TPPP2: variants seen among roughly 807,000 people sequenced by gnomAD.
TPPP2 encodes tubulin polymerization promoting protein family member 2, also known as tubulin polymerization-promoting protein family member 2.
Under a neutral mutation model 13.0 loss-of-function variants are expected in TPPP2, and 8 were observed. The ratio of observed to expected loss-of-function variants is 0.62; its 90% CI spans 0.36 to 1.11. TPPP2 has a LOEUF of 1.11. TPPP2 is among the 50% of genes most tolerant of loss of function. The probability of loss-of-function intolerance (pLI) is 0.02; values close to 1 mark genes in which losing one functional copy is unlikely to be tolerated. For missense variants in TPPP2, 213 were observed against 216.9 expected, an observed-to-expected ratio of 0.98 and a Z score of 0.11; for synonymous variants, 81 against 81.8, an observed-to-expected ratio of 0.99 and a Z score of 0.05.
At chr14:21,035,048 A>G (rs1884528068), downstream of TPPP2, among the ~76,000 whole-genome samples, 1 of 152,146 alleles carries the variant, frequency 6.6e-6, no homozygotes, top group East Asian at 1.9e-4. Context: ...CTTATTCCTG[A>G]CCCTCAGAGA....
At chr14:21,033,657 A>G (rs993087783), downstream of TPPP2, 2 of 634,798 alleles carry the variant, frequency 3.2e-6, no homozygotes, top group African/African-American at 3.6e-5. Flanking sequence ...ACCACTTTGC[A>G]TGGTGATCAA....
upstream of TPPP2, among the ~76,000 whole-genome samples, chr14:21,027,545 A>G (rs1883776373): frequency 6.6e-6 from 1 of 152,190 alleles, no homozygotes; most frequent in South Asian, 2.1e-4. Flanking sequence ...GAGATTAGAG[A>G]TTTCCAACCC....
chr14:21,035,044 C>A (rs564032185), downstream of TPPP2, among the ~76,000 whole-genome samples: 17 of 152,208 alleles, frequency 1.1e-4, no homozygotes, highest in Non-Finnish European at 2.4e-4. Context: ...GCTTCTTATT[C>A]CTGACCCTCA....
upstream of TPPP2, chr14:21,025,621 G>C: frequency 1.0e-6 from 1 of 985,500 alleles, no homozygotes; most frequent in East Asian, 1.1e-4. This position sits in a 1 kb window ranked among gnomAD's most constrained non-coding sequence, Gnocchi z 5.1. Flanking sequence ...AAGGGGGCAC[G>C]GGGGAACGTC....
rs1433225007 is a variant in TPPP2, at chr14:21,032,339, G to A, written c.*262G>A. The A allele has an allele frequency of 8.7e-6, 5 of 573,238 alleles. No homozygotes were observed. The highest frequency in any genetic ancestry group is 1.6e-5 in the Non-Finnish European group (5 of 303,112). The allele number at this position is 573,238 out of a possible 1,614,324, so 35.5% of individuals were successfully genotyped here. A position where few individuals can be genotyped will look rare whatever the true frequency, so the allele number is the denominator to read the frequency against. The stretch of plus-strand genomic sequence containing the variant: ...CAACAGCTGCTTCCAAGAACAGGAT[G>A]GAAGAATATATTTGGAGTAAAGAGA... On this transcript the variant is annotated 3_prime_UTR_variant, in exon 4 of 4. Coordinates refer to ENST00000321760, the MANE Select transcript of TPPP2 (RefSeq NM_173846.5).
chr14:21,032,452 G>A lies in TPPP2; in HGVS notation c.*375G>A. ...CTCCACCCCCACCCCTCAAAAGGGT[G>A]TAGCAATTCCTCACGTGATGGACTA... is the stretch of plus-strand genomic sequence containing the variant. On this transcript the variant is annotated 3_prime_UTR_variant, in exon 4 of 4. Coordinates refer to ENST00000321760, the MANE Select transcript of TPPP2 (RefSeq NM_173846.5). 4.9e-6 allele frequency: 2 copies of A among 404,612 alleles called. No homozygotes were observed. The highest frequency in any genetic ancestry group is 3.7e-5 in the South Asian group (2 of 53,706). The allele number at this position is 404,612 out of a possible 1,614,324, so 25.1% of individuals were successfully genotyped here.
At chr14:21,031,708 A>G (rs1021371693) in intron 3 of TPPP2, among the ~76,000 whole-genome samples, 184 bp from the exon 4 acceptor site, 6 of 152,084 alleles carry the variant, frequency 3.9e-5, no homozygotes, top group African/African-American at 1.4e-4. Flanking sequence ...CTCCCCCATG[A>G]GTGAACGGCT....
Position 21,031,934 on chromosome 14 carries a change from A to G in TPPP2, c.370A>G (p.Ser124Gly). 6.2e-7 allele frequency: 1 copy of G among 1,614,202 alleles called. No homozygotes were observed. Among genetic ancestry groups the G allele is most frequent in the Non-Finnish European group, 8.5e-7 (1 of 1,180,022 alleles). The change falls in exon 4 of 4, where the codon AGC becomes GGC. Residue 124 changes from serine (S) to glycine (G), a missense_variant. By Grantham distance (56) the Ser-to-Gly change is moderately conservative. Transcript: ENST00000321760. ...TGCAGTGGACCGTTTGACAGACACC[A>G]GCAAGTACACCGGCACCCACAAGGA... Reference protein sequence around the residue: ...VGAVDRLTDTSKYTGTHKERF... With the variant: ...VGAVDRLTDTGKYTGTHKERF...
rs566728396 is a variant in TPPP2 at position 21,031,823 on chromosome 14, C to A, written c.328-69C>A. 1.0e-4 allele frequency: 157 copies of A among 1,522,946 alleles called. No homozygotes were observed. In the African/African-American group the frequency reaches 1.1e-3, roughly 10 times the overall value. 94.3% of individuals were successfully genotyped at this position (1,522,946 alleles called of 1,614,324 possible). A position where few individuals can be genotyped will look rare whatever the true frequency, so the allele number is the denominator to read the frequency against. ...AAGCACTTGTTCTAAGTATCTCGGGCCATCTTTGGGGAAGGGATATGACAG... is the reference window on the plus strand; with the variant it reads ...AAGCACTTGTTCTAAGTATCTCGGGACATCTTTGGGGAAGGGATATGACAG... On this transcript the variant is annotated intron_variant, in intron 3 of 3. Coordinates refer to ENST00000321760, the MANE Select transcript of TPPP2 (RefSeq NM_173846.5).
intron 1 of TPPP2, chr14:21,024,415 C>G (rs985399667): frequency 3.3e-6 from 3 of 907,288 alleles, no homozygotes; most frequent in Non-Finnish European, 4.0e-6. Context: ...TGACCTTGCC[C>G]CAGTTAGTTA....
intron 3 of TPPP2, among the ~76,000 whole-genome samples, chr14:21,031,638 G>A (rs2139078907): frequency 6.6e-6 from 1 of 152,034 alleles, no homozygotes; most frequent in Non-Finnish European, 1.5e-5. Flanking sequence ...AACTCCTCTG[G>A]AAACAAAAAA....
At chr14:21,035,275 C>G (rs372895231), downstream of TPPP2, among the ~76,000 whole-genome samples, 11 of 152,366 alleles carry the variant, frequency 7.2e-5, no homozygotes, top group African/African-American at 2.4e-4. Context: ...CATGCTGACT[C>G]TGAAGCCTCA....
rs768298020 is a variant in TPPP2, at chr14:21,032,060, G to A, written c.496G>A (p.Asp166Asn). The change falls in exon 4 of 4, where the codon GAT becomes AAT. Residue 166 changes from aspartate to asparagine, a missense_variant. By Grantham distance (23) the Asp-to-Asn change is conservative. Transcript: ENST00000321760. ...VSGYKGSGTY[D>N]KKTK Reference sequence around the variant, plus strand: ...TGGTTACAAGGGTTCTGGCACCTACGATAAGAAGACCAAGTAGAGAGGAGC... The same window carrying A: ...TGGTTACAAGGGTTCTGGCACCTACAATAAGAAGACCAAGTAGAGAGGAGC... 21 of 1,613,744 alleles carry A rather than the reference G, an allele frequency of 1.3e-5. No individual in the cohort carries two copies. Among genetic ancestry groups the A allele is most frequent in the Admixed American group, 5.0e-5 (3 of 60,012 alleles).
Position 21,031,986 on chromosome 14 carries a change from A to AGGGCAT in TPPP2, c.423_428dup (p.Gly142_Ile143insMetGly). The AGGGCAT allele has an allele frequency of 6.2e-7, 1 of 1,614,194 alleles. No homozygotes were observed. Among genetic ancestry groups the AGGGCAT allele is most frequent in the Non-Finnish European group, 8.5e-7 (1 of 1,180,022 alleles). On this transcript the variant is annotated inframe_insertion, in exon 4 of 4. Coordinates refer to ENST00000321760, the MANE Select transcript of TPPP2 (RefSeq NM_173846.5). ...CGCTTTGATGAGAGTGGCAAGGGCA[A>AGGGCAT]GGGCATTGCGGGACGGGAAGAGATG...
upstream of TPPP2, chr14:21,025,536 GGAGGAGGTGGGCGGGACCGCCGCT>G (rs1883439587): frequency 8.1e-6 from 8 of 985,340 alleles, no homozygotes; most frequent in Non-Finnish European, 8.4e-6. This position sits in a 1 kb window ranked among gnomAD's most constrained non-coding sequence, Gnocchi z 5.1. Context: ...GATTAAGAAA[GGAGGAGGTGGGCGGGACCGCCGCT>G]GAGGAGGCGG....
At chr14:21,026,442 C>G (rs1263552649), upstream of TPPP2, among the ~76,000 whole-genome samples, 1 of 151,610 alleles carries the variant, frequency 6.6e-6, no homozygotes, top group Non-Finnish European at 1.5e-5. Flanking sequence ...AACTGCAACA[C>G]CAGCACCGAC....
At chr14:21,027,014 G>C (rs921086091), upstream of TPPP2, among the ~76,000 whole-genome samples, 1 of 152,156 alleles carries the variant, frequency 6.6e-6, no homozygotes, top group Admixed American at 6.5e-5. Flanking sequence ...GGGAGGGAAG[G>C]ACCTGAAGGT....
At position 21,032,236 on chromosome 14, in the gene TPPP2, A is replaced by G. The variant is rs1243462; in HGVS notation, c.*159A>G. 667,816 of 771,232 alleles carry G rather than the reference A, an allele frequency of 0.87. 291,255 individuals carry two copies. The highest frequency in any genetic ancestry group is 0.97 in the East Asian group (35,544 of 36,774). 47.8% of individuals were successfully genotyped at this position (771,232 alleles called of 1,614,324 possible). A position where few individuals can be genotyped will look rare whatever the true frequency, so the allele number is the denominator to read the frequency against. On this transcript the variant is annotated 3_prime_UTR_variant, in exon 4 of 4. Coordinates refer to ENST00000321760, the MANE Select transcript of TPPP2 (RefSeq NM_173846.5). ...TAGAGAGAGGGAGAAGAGGCAGCAC[A>G]GGAGGGTGGGTTCTCCACCACACAC...
upstream of TPPP2, among the ~76,000 whole-genome samples, chr14:21,027,031 A>T (rs1883726654): frequency 1.3e-5 from 2 of 152,142 alleles, no homozygotes; most frequent in African/African-American, 4.8e-5. Context: ...AGGTTCCAGC[A>T]TCTAAATTCG....
Sources: gnomAD v4.1 joint callset for allele counts (sites outside exome capture counted in the v4.1 genomes callset) on GRCh38, gnomAD v4.1.1 for gene constraint, Gnocchi (gnomAD v3.1) non-coding constraint, MANE v1.5 for transcripts, NCBI Gene and HGNC (gene_info 2026-07-23, HGNC 2026-07-21) for gene names.